The following GABRA2 variants were observed in gnomAD, a reference collection of about 807,000 sequenced individuals.
GABRA2 encodes the protein gamma-aminobutyric acid receptor subunit alpha-2.
GABRA2 carries 16 observed loss-of-function variants against 48.7 expected under a neutral mutation model. The ratio of observed to expected loss-of-function variants is 0.33; its 90% confidence interval spans 0.22 to 0.50. The LOEUF is 0.50. GABRA2 is among the 20% of genes least tolerant of loss of function. GABRA2 has a pLI of 0.98. For synonymous variants in GABRA2, 185 were observed against 184.5 expected, an observed-to-expected ratio of 1.00 and a Z score of -0.02; for missense variants, 275 against 535.6, an observed-to-expected ratio of 0.51 and a Z score of 4.80.
At chr4:46,368,744 C>T in intron 3 of GABRA2, 1 of 416,994 alleles carries the variant, frequency 2.4e-6, no homozygotes, top group Non-Finnish European at 4.3e-6. Context: ...CTGAAGAAAA[C>T]TTTCTATAAA....
At chr4:46,337,404 G>A (rs1014504369) in intron 3 of GABRA2, among the ~76,000 whole-genome samples, 6 of 151,980 alleles carry the variant, frequency 3.9e-5, no homozygotes, top group Non-Finnish European at 8.8e-5. Context: ...TATATACAGA[G>A]GATGGAATGA....
intron 3 of GABRA2, among the ~76,000 whole-genome samples, chr4:46,333,958 T>A (rs1311949690): frequency 2.0e-5 from 3 of 152,150 alleles, no homozygotes; most frequent in Non-Finnish European, 4.4e-5. Flanking sequence ...AAATGCATGT[T>A]TCTATTCACC....
chr4:46,389,479 G>T, intron 1 of GABRA2: 1 of 840,082 alleles, frequency 1.2e-6, no homozygotes. Flanking sequence ...AGTGAGCAAA[G>T]TTGAAGACTA....
intron 9 of GABRA2, chr4:46,261,491 T>C (rs958258385): frequency 9.8e-6 from 2 of 203,114 alleles, no homozygotes; most frequent in African/African-American, 4.6e-5. Context: ...AATAATGCAG[T>C]GTGGTGTTAA....
intron 4 of GABRA2, among the ~76,000 whole-genome samples, chr4:46,313,489 T>C (rs1445047416): frequency 6.6e-6 from 1 of 152,100 alleles, no homozygotes; most frequent in Non-Finnish European, 1.5e-5. Context: ...AAATGTACTT[T>C]AAAATATTGT....
At chr4:46,339,394 A>G (rs1732821230) in intron 3 of GABRA2, among the ~76,000 whole-genome samples, 1 of 151,828 alleles carries the variant, frequency 6.6e-6, no homozygotes, top group South Asian at 2.1e-4. Flanking sequence ...AGTTCCATGA[A>G]GACTGGGGTT....
At chr4:46,320,200 CTTCAAAACCTGATGTT>C (rs1004669317) in intron 4 of GABRA2, among the ~76,000 whole-genome samples, 17 of 151,746 alleles carry the variant, frequency 1.1e-4, no homozygotes, top group Admixed American at 7.2e-4. Context: ...GGGGTATTTT[CTTCAAAACCTGATGTT>C]GGAAAAACTG....
intron 3 of GABRA2, among the ~76,000 whole-genome samples, chr4:46,348,832 G>T (rs1230340955): frequency 6.6e-6 from 1 of 150,958 alleles, no homozygotes; most frequent in Non-Finnish European, 1.5e-5. Flanking sequence ...GCTGAATGAC[G>T]AGTTAATGGG....
chr4:46,363,776 G>A (rs989660794), intron 3 of GABRA2: 1 of 152,072 alleles, frequency 6.6e-6, no homozygotes, highest in Admixed American at 6.6e-5. Context: ...TAAACATTAT[G>A]AATGTACCAA....
Position 46,389,932 on chromosome 4 carries a change from C to A in GABRA2, c.-208G>T. On this transcript the variant is annotated 5_prime_UTR_variant, in exon 1 of 10. Transcript: ENST00000381620. Reference sequence around the variant, plus strand: ...GAAGCCGGAGAGGAGCGCTAGGAGCCGCGGCGGCGGCGCGAGGTGTAGAAG... The same window carrying A: ...GAAGCCGGAGAGGAGCGCTAGGAGCAGCGGCGGCGGCGCGAGGTGTAGAAG... 1.0e-6 allele frequency: 1 copy of A among 986,354 alleles called. No individual in the cohort carries two copies. The allele number at this position is 986,354 out of a possible 1,614,324, so 61.1% of individuals were successfully genotyped here. A position where few individuals can be genotyped will look rare whatever the true frequency, so the allele number is the denominator to read the frequency against.
chr4:46,338,389 G>T (rs279840), intron 3 of GABRA2, among the ~76,000 whole-genome samples: 57,201 of 151,558 alleles, frequency 0.38, 11,511 homozygotes, highest in East Asian at 0.56. Flanking sequence ...ATAATCATCT[G>T]CATATTTAGG....
chr4:46,287,403 G>C (rs1373330769), intron 8 of GABRA2, among the ~76,000 whole-genome samples: 1 of 151,794 alleles, frequency 6.6e-6, no homozygotes, highest in Non-Finnish European at 1.5e-5. Flanking sequence ...TGATTGACTG[G>C]ATTAAGAAAA....
intron 3 of GABRA2, among the ~76,000 whole-genome samples, chr4:46,358,291 A>T (rs2109944029): frequency 6.6e-6 from 1 of 152,282 alleles, no homozygotes; most frequent in African/African-American, 2.4e-5. Context: ...TCTGATTTCT[A>T]AATTCCACTC....
At position 46,246,332 on chromosome 4, in the gene GABRA2, TTA is replaced by T. The variant is rs963790136; in HGVS notation, c.*3974_*3975del. Among the ~76,000 whole-genome samples the T allele has an allele frequency of 1.5e-3, 223 of 151,172 alleles. No individual in the cohort carries two copies. The highest frequency in any genetic ancestry group is 5.0e-3 in the African/African-American group (206 of 41,440). On this transcript the variant is annotated 3_prime_UTR_variant, in exon 10 of 10. Transcript: ENST00000381620. ...GCAAAATATTATGGATATTAAATAATTATGTTAAATATTTACTTTAATTTTTA... is the reference window on the plus strand; with the variant it reads ...GCAAAATATTATGGATATTAAATAATTGTTAAATATTTACTTTAATTTTTA...
At chr4:46,292,368 G>A (rs1723834655) in intron 8 of GABRA2, among the ~76,000 whole-genome samples, 4 of 152,140 alleles carry the variant, frequency 2.6e-5, no homozygotes, top group Admixed American at 6.5e-5. Context: ...GACCTGCAAC[G>A]AAAGGTGCAT....
At chr4:46,372,280 C>T (rs139881548) in intron 3 of GABRA2, among the ~76,000 whole-genome samples, 1,801 of 152,234 alleles carry the variant, frequency 0.012, 19 homozygotes, top group Non-Finnish European at 0.018. Context: ...CCCCAGATGT[C>T]TTCCTAGCTG....
intron 3 of GABRA2, among the ~76,000 whole-genome samples, chr4:46,356,602 A>G (rs149361479): frequency 6.6e-6 from 1 of 152,178 alleles, no homozygotes; most frequent in Admixed American, 6.5e-5. Context: ...TCTGAGATTC[A>G]CATGAAGCCT....
chr4:46,277,939 C>T (rs1318740974), intron 8 of GABRA2, among the ~76,000 whole-genome samples: 3 of 152,252 alleles, frequency 2.0e-5, no homozygotes, highest in East Asian at 3.9e-4. Flanking sequence ...CAAATTCATA[C>T]ATGTATTTTT....
chr4:46,263,547 A>G (rs1301772436), intron 8 of GABRA2, among the ~76,000 whole-genome samples: 4 of 152,154 alleles, frequency 2.6e-5, no homozygotes, highest in African/African-American at 7.2e-5. Flanking sequence ...CCATAGATAT[A>G]TGGGATATCT....
Sources: allele counts gnomAD v4.1 joint callset (sites outside exome capture counted in the v4.1 genomes callset), GRCh38; gene constraint gnomAD v4.1.1; transcripts MANE v1.5; gene names NCBI Gene and HGNC (gene_info 2026-07-23, HGNC 2026-07-21).